Variants in TRMT9B observed in about 807,000 individuals in gnomAD.
TRMT9B encodes probable tRNA methyltransferase 9B.
Under a neutral mutation model 11.5 loss-of-function variants are expected in TRMT9B, and 16 were observed. The observed-to-expected ratio is 1.39, with a 90% CI of 0.94 to 2.11. TRMT9B has a LOEUF of 2.11. TRMT9B is among the 30% of genes most tolerant of loss of function. The pLI, the probability that TRMT9B is intolerant of heterozygous loss-of-function variation, is 0.00. For synonymous variants in TRMT9B, 274 were observed against 192.4 expected, an observed-to-expected ratio of 1.42 and a Z score of -3.51; for missense variants, 941 against 553.8, an observed-to-expected ratio of 1.70 and a Z score of -7.02.
chr8:13,023,223 T>A lies in TRMT9B; in HGVS notation c.*1179T>A, dbSNP rs1185541843. The A allele has an allele frequency of 6.0e-6, 1 of 167,130 alleles. No homozygotes were observed. The highest frequency in any genetic ancestry group is 1.5e-5 in the Non-Finnish European group (1 of 68,132). The allele number at this position is 167,130 out of a possible 1,614,324, so 10.4% of individuals were successfully genotyped here. A position where few individuals can be genotyped will look rare whatever the true frequency, so the allele number is the denominator to read the frequency against. ...ATGAGTCTGCATCAAGAACTAGGCA[T>A]TTCTTCTGAGTTGACGGACTCTTTA... On this transcript the variant is annotated 3_prime_UTR_variant, in exon 5 of 5. Coordinates refer to ENST00000524591, the MANE Select transcript of TRMT9B (RefSeq NM_020844.3).
intron 1 of TRMT9B, among the ~76,000 whole-genome samples, chr8:12,974,695 C>T (rs543710994): frequency 2.0e-5 from 3 of 152,282 alleles, no homozygotes; most frequent in South Asian, 2.1e-4. Context: ...GAAAAGTAAA[C>T]GACTGCATTA....
intron 1 of TRMT9B, among the ~76,000 whole-genome samples, chr8:12,984,545 G>A (rs1488254443): frequency 6.6e-6 from 1 of 152,024 alleles, no homozygotes; most frequent in African/African-American, 2.4e-5. Context: ...CTTCTTTCCT[G>A]GGAGAAAAGA....
intron 1 of TRMT9B, among the ~76,000 whole-genome samples, chr8:12,967,441 G>A (rs1370538611): frequency 6.6e-6 from 1 of 152,160 alleles, no homozygotes; most frequent in African/African-American, 2.4e-5. Context: ...GAAATGGCAG[G>A]GATGGTGACA....
rs940841813 is a variant in TRMT9B at position 13,016,223 on chromosome 8, G to C, written c.328+3366G>C. Among the ~76,000 whole-genome samples the C allele has an allele frequency of 6.3e-4, 73 of 115,282 alleles. 3 individuals carry two copies. Among genetic ancestry groups the C allele is most frequent in the Non-Finnish European group, 3.2e-4 (18 of 55,914 alleles). 75.6% of individuals were successfully genotyped at this position (115,282 alleles called of 152,430 possible). ...ATATTTATATATATAAAATATAAAT[G>C]TGAAATATATATTATATATAAAATA... is the stretch of plus-strand genomic sequence containing the variant. On this transcript the variant is annotated intron_variant, in intron 4 of 4. Coordinates refer to ENST00000524591, the MANE Select transcript of TRMT9B (RefSeq NM_020844.3).
intron 1 of TRMT9B, among the ~76,000 whole-genome samples, chr8:12,959,749 G>A (rs1331594898): frequency 6.6e-6 from 1 of 151,852 alleles, no homozygotes; most frequent in Non-Finnish European, 1.5e-5. Context: ...GGCTGGTCTT[G>A]AACTCCTAGG....
At chr8:12,996,639 G>C (rs1031041833) in intron 2 of TRMT9B, among the ~76,000 whole-genome samples, 1 of 152,188 alleles carries the variant, frequency 6.6e-6, no homozygotes, top group African/African-American at 2.4e-5. Flanking sequence ...ACTCTGCTCA[G>C]TTTTAAGTTC....
chr8:12,987,439 C>T (rs565894256), intron 1 of TRMT9B, among the ~76,000 whole-genome samples: 1 of 152,058 alleles, frequency 6.6e-6, no homozygotes, highest in East Asian at 1.9e-4. Context: ...TTCTGTAATC[C>T]CAGCATTTCA....
At chr8:12,949,437 T>G (rs1273228018) in intron 1 of TRMT9B, among the ~76,000 whole-genome samples, 1 of 152,194 alleles carries the variant, frequency 6.6e-6, no homozygotes, top group Non-Finnish European at 1.5e-5. Flanking sequence ...ATAAATGGCT[T>G]AAAAGTCTAG....
At chr8:12,991,943 C>T (rs1460709349) in intron 2 of TRMT9B, among the ~76,000 whole-genome samples, 1 of 152,098 alleles carries the variant, frequency 6.6e-6, no homozygotes. Context: ...AAAACAACAA[C>T]AACAACAGAC....
intron 1 of TRMT9B, among the ~76,000 whole-genome samples, chr8:12,973,425 A>G (rs1051255573): frequency 2.0e-5 from 3 of 152,234 alleles, no homozygotes; most frequent in Non-Finnish European, 4.4e-5. Context: ...TCTCAGACAC[A>G]GTGGTCTGGA....
chr8:12,956,427 A>G (rs900377129), intron 1 of TRMT9B, among the ~76,000 whole-genome samples: 1 of 152,210 alleles, frequency 6.6e-6, no homozygotes, highest in African/African-American at 2.4e-5. Flanking sequence ...TGGAAAAAGC[A>G]TCAAGCAAAT....
At chr8:12,996,972 TTTA>T (rs1427875991) in intron 2 of TRMT9B, among the ~76,000 whole-genome samples, 18 of 120,758 alleles carry the variant, frequency 1.5e-4, no homozygotes, top group East Asian at 1.2e-3. Flanking sequence ...TTTATTTTAT[TTTA>T]TTTTATTTTA....
Position 13,021,022 on chromosome 8 carries a change from T to G in TRMT9B, c.343T>G (p.Ser115Ala). Reference sequence around the variant, plus strand: ...GTCTTTTTCAGTCATACATCATTTTTCTACAAAACAAAGAAGAATCAGAGC... The same window carrying G: ...GTCTTTTTCAGTCATACATCATTTTGCTACAAAACAAAGAAGAATCAGAGC... ...IISIGVIHHF[S>A]TKQRRIRAIK... is the part of the protein sequence containing the mutation. Residue 115 changes from serine (S) to alanine (A), a missense_variant, in exon 5 of 5, where the codon TCT (serine) becomes GCT (alanine). Ser to Ala is a moderately conservative substitution (Grantham distance 99). Coordinates refer to ENST00000524591, the MANE Select transcript of TRMT9B (RefSeq NM_020844.3). The G allele has an allele frequency of 6.5e-7, 1 of 1,549,028 alleles. No homozygotes were observed. Among genetic ancestry groups the G allele is most frequent in the South Asian group, 1.2e-5 (1 of 80,938 alleles).
At chr8:12,959,539 TGACAG>T (rs1801790610) in intron 1 of TRMT9B, among the ~76,000 whole-genome samples, 1 of 140,084 alleles carries the variant, frequency 7.1e-6, no homozygotes, top group African/African-American at 2.8e-5. Context: ...TTTTTTTTTT[TGACAG>T]AGTCTTGCTC....
intron 2 of TRMT9B, among the ~76,000 whole-genome samples, chr8:13,000,903 T>G (rs565013511): frequency 6.6e-6 from 1 of 152,242 alleles, no homozygotes; most frequent in African/African-American, 2.4e-5. Context: ...GATTCAAGGT[T>G]AGGAAATGAA....
At chr8:12,981,149 T>C (rs1220619124) in intron 1 of TRMT9B, among the ~76,000 whole-genome samples, 1 of 152,234 alleles carries the variant, frequency 6.6e-6, no homozygotes, top group Non-Finnish European at 1.5e-5. Context: ...GAAAAGGAGC[T>C]TGTGCTGGAA....
At chr8:12,994,628 A>G (rs1276338183) in intron 2 of TRMT9B, among the ~76,000 whole-genome samples, 6 of 152,216 alleles carry the variant, frequency 3.9e-5, no homozygotes, top group Non-Finnish European at 8.8e-5. Flanking sequence ...CCTTTGGGGA[A>G]CCCTTGAATT....
At chr8:12,974,069 G>A (rs143398492) in intron 1 of TRMT9B, among the ~76,000 whole-genome samples, 7 of 152,190 alleles carry the variant, frequency 4.6e-5, no homozygotes, top group Middle Eastern at 3.4e-3. Context: ...TACTCAGAAG[G>A]CTGAGGCGGG....
At position 13,025,220 on chromosome 8, in the gene TRMT9B, T is replaced by G. The variant is rs552571303; in HGVS notation, c.*3176T>G. The G allele has an allele frequency of 3.3e-4, 55 of 167,188 alleles. No homozygotes were observed. Among genetic ancestry groups the G allele is most frequent in the African/African-American group, 1.3e-3 (52 of 41,566 alleles). The allele number at this position is 167,188 out of a possible 1,614,324, so 10.4% of individuals were successfully genotyped here. On this transcript the variant is annotated 3_prime_UTR_variant, in exon 5 of 5. Transcript: ENST00000524591. ...AGTTTGGGGGTTTATTGGAGGAGTC[T>G]TAAAAACTTGGTTGGCAGCTGGGTA...
Sources: allele counts gnomAD v4.1 joint callset (sites outside exome capture counted in the v4.1 genomes callset), GRCh38; gene constraint gnomAD v4.1.1; transcripts MANE v1.5; gene names NCBI Gene and HGNC (gene_info 2026-07-23, HGNC 2026-07-21).